The following HERC1 variants were observed in gnomAD, a reference collection of about 807,000 sequenced individuals.
HERC1 encodes the protein HECT and RLD domain containing E3 ubiquitin protein ligase family member 1.
In HERC1, 160 loss-of-function variants were observed where a neutral mutation model predicts 554.3. That is an observed-to-expected ratio of 0.29 (90% CI 0.25 to 0.33). HERC1 has a LOEUF of 0.33. Among genes scored for constraint, HERC1 ranks in the 10% least tolerant of loss-of-function variants. The pLI, the probability that HERC1 is intolerant of heterozygous loss-of-function variation, is 1.00. For synonymous variants in HERC1, 2,175 were observed against 2,131.7 expected (o/e 1.02, Z -0.56); for missense variants, 4,919 against 5,918.5 (o/e 0.83, Z 5.54).
chr15:63,711,235 G>A (rs1284731717), intron 24 of HERC1, among the ~76,000 whole-genome samples: 2 of 152,202 alleles, frequency 1.3e-5, no homozygotes, highest in Non-Finnish European at 2.9e-5. Flanking sequence ...TGAGGCAGGA[G>A]GATTGCTTGA....
intron 24 of HERC1, among the ~76,000 whole-genome samples, chr15:63,707,260 TAGA>T (rs939988838): frequency 6.6e-6 from 1 of 152,204 alleles, no homozygotes; most frequent in East Asian, 1.9e-4. Flanking sequence ...GCTAGGTGTT[TAGA>T]AGAAGAAAAT....
At chr15:63,741,514 T>C (rs1142731) in intron 12 of HERC1, among the ~76,000 whole-genome samples, 34,529 of 151,958 alleles carry the variant, frequency 0.23, 4,872 homozygotes, top group Middle Eastern at 0.35. Flanking sequence ...GGTTTCACCA[T>C]GTTAGGCTGG....
intron 48 of HERC1, among the ~76,000 whole-genome samples, chr15:63,657,944 G>A (rs1023695410): frequency 6.6e-6 from 1 of 152,040 alleles, no homozygotes; most frequent in African/African-American, 2.4e-5. Context: ...CATAAATCAA[G>A]TGTTTATTTA....
At chr15:63,676,049 G>C (rs980448897) in intron 37 of HERC1, among the ~76,000 whole-genome samples, 1 of 151,926 alleles carries the variant, frequency 6.6e-6, no homozygotes, top group Non-Finnish European at 1.5e-5. Flanking sequence ...GATTACAGGC[G>C]CACGCCACTA....
rs756250611 is a variant in HERC1 at position 63,612,302 on chromosome 15, TG to T, written c.14348del (p.Pro4783GlnfsTer14). The T allele has an allele frequency of 2.5e-6, 4 of 1,613,710 alleles. No individual in the cohort carries two copies. The highest frequency in any genetic ancestry group is 3.4e-6 in the Non-Finnish European group (4 of 1,179,618). ...TCTGAGAAATGTCAGCAGTGTTGGCTGGTAGTCGAGATCTTCCTGACACAAA... is the reference window on the plus strand; with the variant it reads ...TCTGAGAAATGTCAGCAGTGTTGGCTGTAGTCGAGATCTTCCTGACACAAA... ...MRFVSGRSRL[P>X]ANTADISQRF... On this transcript the variant is annotated frameshift_variant, in exon 77 of 78. Transcript: ENST00000443617. LOFTEE classifies it high-confidence loss of function. This position sits in a 1 kb window ranked among gnomAD's most constrained non-coding sequence, Gnocchi z 5.0.
intron 12 of HERC1, among the ~76,000 whole-genome samples, chr15:63,745,531 C>G (rs2075023681): frequency 1.3e-5 from 2 of 152,192 alleles, no homozygotes; most frequent in African/African-American, 4.8e-5. Context: ...CCTTTCTGCT[C>G]TAACAGGATA....
At chr15:63,830,479 CACA>C (rs972217787) in intron 1 of HERC1, among the ~76,000 whole-genome samples, 4 of 151,794 alleles carry the variant, frequency 2.6e-5, no homozygotes, top group Non-Finnish European at 5.9e-5. Context: ...ATGAAGAAGA[CACA>C]ACAACTAAAT....
chr15:63,709,551 G>A (rs1395338712), intron 24 of HERC1, among the ~76,000 whole-genome samples: 1 of 152,122 alleles, frequency 6.6e-6, no homozygotes, highest in Admixed American at 6.5e-5. Flanking sequence ...TAAAGAAACT[G>A]GAGCTCAGGA....
In HERC1 at chr15:63,767,292, C is replaced by T. The variant is rs1361185230; in HGVS notation, c.931-3101G>A. Among the ~76,000 whole-genome samples, 9 of 152,058 alleles carry T rather than the reference C, an allele frequency of 5.9e-5. No homozygotes were observed. In the South Asian group the frequency reaches 1.9e-3, roughly 32 times the overall value. On this transcript the variant is annotated intron_variant, in intron 2 of 77. Transcript: ENST00000443617. ...TGCTGGGATTACAGGCGTGAGCCAC[C>T]GCGCCTGGCCTATAGGTTTTAAGTT...
In HERC1 at chr15:63,661,948, T is replaced by C. The variant is rs2070379203; in HGVS notation, c.8975A>G (p.Asn2992Ser). The C allele has an allele frequency of 6.2e-7, 1 of 1,613,994 alleles. No individual in the cohort carries two copies. Among genetic ancestry groups the C allele is most frequent in the East Asian group, 2.2e-5 (1 of 44,892 alleles). ...TGGATGGTTTCTCTTCATGTGCTGA[T>C]TGAAGCTGACGACGCTGCATTCACA... ...ELCECSVVSFNQHMKRNHPGC... is the reference protein window; with the variant it reads ...ELCECSVVSFSQHMKRNHPGC... Residue 2992 changes from asparagine to serine, a missense_variant, in exon 45 of 78, where the codon AAT (asparagine) becomes AGT (serine). By Grantham distance (46) the Asn-to-Ser change is conservative (BLOSUM62 1). Transcript: ENST00000443617.
intron 1 of HERC1, among the ~76,000 whole-genome samples, chr15:63,833,275 T>C (rs1230851486): frequency 6.6e-6 from 1 of 152,166 alleles, no homozygotes; most frequent in Non-Finnish European, 1.5e-5. Flanking sequence ...TAGCAGATGA[T>C]GAGCTGCCCT....
Position 63,696,311 on chromosome 15 carries a change from A to C in HERC1, c.4934T>G (p.Leu1645Arg). 6.2e-7 allele frequency: 1 copy of C among 1,612,690 alleles called. No individual in the cohort carries two copies. The highest frequency in any genetic ancestry group is 8.5e-7 in the Non-Finnish European group (1 of 1,179,354). ...TTCTTCCATCCCAGACAATAGAACG[A>C]GGATCTGATGAAGTGCCTCTAAACG... ...ELRLEALHQI[L>R]VLLSGMEEKG... Residue 1645 changes from leucine (L) to arginine (R), a missense_variant, in exon 27 of 78, where the codon CTC (leucine) becomes CGC (arginine). Physicochemically the swap from Leu to Arg is moderately radical, Grantham distance 102. Transcript: ENST00000443617.
intron 1 of HERC1, among the ~76,000 whole-genome samples, chr15:63,779,184 CA>C (rs1193131207): frequency 4.0e-5 from 6 of 151,856 alleles, no homozygotes; most frequent in Admixed American, 2.0e-4. Context: ...ACAAAACAAA[CA>C]AAAACAGAGC....
chr15:63,755,187 T>C (rs765038875), intron 6 of HERC1, 42 bp downstream of exon 6: 23 of 1,350,580 alleles, frequency 1.7e-5, no homozygotes, highest in Non-Finnish European at 2.4e-5. Flanking sequence ...TAATCATTTC[T>C]AATTTTCTAG....
In HERC1 at chr15:63,752,999, C is replaced by T; in HGVS notation, c.1861G>A (p.Ala621Thr). 6.2e-7 allele frequency: 1 copy of T among 1,613,696 alleles called. No individual in the cohort carries two copies. Among genetic ancestry groups the T allele is most frequent in the Non-Finnish European group, 8.5e-7 (1 of 1,179,686 alleles). Residue 621 changes from alanine (A) to threonine (T), a missense_variant, in exon 8 of 78, where the codon GCT becomes ACT. Around this residue, in one of 11 missense-constraint regions of HERC1, gnomAD observed 744 missense variants for 1,090.0 expected, o/e 0.68. Coordinates refer to ENST00000443617, the MANE Select transcript of HERC1 (RefSeq NM_003922.4). The stretch of plus-strand genomic sequence containing the variant: ...AAAGCAAGTGAAGACTGGCTCCCAG[C>T]ACAAACTTTGCGAATGAACATTCCT... ...LQGMFIRKVC[A>T]GSQSSLALTS... is the part of the protein sequence containing the mutation.
At chr15:63,766,524 G>A (rs2075783780) in intron 2 of HERC1, among the ~76,000 whole-genome samples, 1 of 152,154 alleles carries the variant, frequency 6.6e-6, no homozygotes, top group Admixed American at 6.5e-5. Context: ...GGAGGCGGAG[G>A]TTGCAGATCG....
In HERC1 at chr15:63,648,072, A is replaced by G. The variant is rs1368192996; in HGVS notation, c.10875T>C (p.His3625=). 6.4e-7 allele frequency: 1 copy of G among 1,554,518 alleles called. No homozygotes were observed. The highest frequency in any genetic ancestry group is 1.4e-5 in the African/African-American group (1 of 73,318). The change falls in exon 55 of 78, where the codon CAT becomes CAC. Residue 3625 remains histidine (H), a synonymous_variant. Coordinates refer to ENST00000443617, the MANE Select transcript of HERC1 (RefSeq NM_003922.4). ...EKGGIVLIDA[H]KDTLISMKWD... ...CGTTTTTTAAAGATGCATTTACCTTATGTGCATCAATTAGAACAATGCCTC... is the reference window on the plus strand; with the variant it reads ...CGTTTTTTAAAGATGCATTTACCTTGTGTGCATCAATTAGAACAATGCCTC...
chr15:63,642,599 A>G (rs1225397326), intron 59 of HERC1, among the ~76,000 whole-genome samples: 1 of 152,224 alleles, frequency 6.6e-6, no homozygotes, highest in Non-Finnish European at 1.5e-5. Context: ...CAGCCTCCCC[A>G]AAGTGCTGGG....
In HERC1 at chr15:63,640,199, C is replaced by A. The variant is rs773829145; in HGVS notation, c.11854G>T (p.Val3952Phe). Residue 3952 changes from valine (V) to phenylalanine (F), a missense_variant, in exon 61 of 78, where the codon GTT becomes TTT. Transcript: ENST00000443617. ...NGAQFPESFTVPDLEPVPEDE... is the reference protein window; with the variant it reads ...NGAQFPESFTFPDLEPVPEDE... ...TCTGGAACAGGTTCTAGATCTGGAA[C>A]GGTAAAAGATTCTGGAAACTGGGCT... 1.9e-6 allele frequency: 3 copies of A among 1,613,896 alleles called. No individual in the cohort carries two copies. The highest frequency in any genetic ancestry group is 2.5e-6 in the Non-Finnish European group (3 of 1,179,830).
Sources: allele counts gnomAD v4.1 joint callset (sites outside exome capture counted in the v4.1 genomes callset), GRCh38; gene constraint gnomAD v4.1.1; regional missense constraint gnomAD v4.1.1; non-coding constraint Gnocchi (gnomAD v3.1); transcripts MANE v1.5; gene names NCBI Gene and HGNC (gene_info 2026-07-23, HGNC 2026-07-21).